Variants in PTPRN2 observed in about 807,000 individuals in gnomAD.
The protein encoded by PTPRN2 is receptor-type tyrosine-protein phosphatase N2.
In PTPRN2, 74 loss-of-function variants were observed where a neutral mutation model predicts 118.8. That is an observed-to-expected ratio of 0.62 (90% confidence interval 0.52 to 0.76). The LOEUF is 0.76. Ranked by LOEUF, PTPRN2 falls within the 30% of genes least tolerant of loss-of-function variation. The pLI, the probability that PTPRN2 is intolerant of heterozygous loss-of-function variation, is 0.00. For missense variants in PTPRN2, 1,481 were observed against 1,394.4 expected (o/e 1.06, Z -0.99); for synonymous variants, 641 against 608.0 (o/e 1.05, Z -0.80).
At chr7:158,363,558 C>T (rs1051177904) in intron 2 of PTPRN2, among the ~76,000 whole-genome samples, 3 of 152,196 alleles carry the variant, frequency 2.0e-5, no homozygotes, top group Non-Finnish European at 2.9e-5. Context: ...AGGGCCTCAC[C>T]CAGTCTTGAT....
chr7:158,273,053 T>C (rs541360266), intron 3 of PTPRN2, among the ~76,000 whole-genome samples: 38 of 152,330 alleles, frequency 2.5e-4, no homozygotes, highest in African/African-American at 8.9e-4. Context: ...GGAAGAGCTC[T>C]GTGCTGTAGC....
chr7:157,670,166 C>T (rs1439874211), intron 13 of PTPRN2, among the ~76,000 whole-genome samples: 2 of 152,156 alleles, frequency 1.3e-5, no homozygotes, highest in Admixed American at 1.3e-4. Flanking sequence ...GAGGTGAGGG[C>T]TGTGTTTGAA....
At chr7:157,549,847 A>C (rs111420968) in intron 21 of PTPRN2, among the ~76,000 whole-genome samples, 95 of 152,326 alleles carry the variant, frequency 6.2e-4, no homozygotes, top group African/African-American at 2.1e-3. Context: ...GCAGCTCCGA[A>C]GCGGGTCAGA....
At chr7:157,940,809 A>T (rs1273044414) in intron 11 of PTPRN2, among the ~76,000 whole-genome samples, 1 of 86,274 alleles carries the variant, frequency 1.2e-5, no homozygotes, top group Non-Finnish European at 2.0e-5. Context: ...ATGACACTGC[A>T]AATCTAATGC....
chr7:158,394,979 C>T (rs1812231039), intron 2 of PTPRN2, among the ~76,000 whole-genome samples: 1 of 152,218 alleles, frequency 6.6e-6, no homozygotes, highest in Non-Finnish European at 1.5e-5. Context: ...ACTCAGGAGG[C>T]CCTGCCCGTC....
Position 157,907,696 on chromosome 7 carries a change from G to A in PTPRN2, c.1724-8959C>T, listed in dbSNP as rs535601210. On this transcript the variant is annotated intron_variant, in intron 11 of 22. Coordinates refer to ENST00000389418, the MANE Select transcript of PTPRN2 (RefSeq NM_002847.5). Reference sequence around the variant, plus strand: ...GTGGCAGTATCTCCCTGTCCCTTGCGTGTGGGGTGTCCTGGGTGGCAGTAT... The same window carrying A: ...GTGGCAGTATCTCCCTGTCCCTTGCATGTGGGGTGTCCTGGGTGGCAGTAT... Among the ~76,000 whole-genome samples, 774 of 149,008 alleles carry A rather than the reference G, an allele frequency of 5.2e-3. 4 individuals carry two copies. The highest frequency in any genetic ancestry group is 0.017 in the African/African-American group (704 of 40,284).
intron 1 of PTPRN2, among the ~76,000 whole-genome samples, chr7:158,539,254 A>G (rs1310854178): frequency 1.3e-5 from 2 of 152,228 alleles, no homozygotes; most frequent in African/African-American, 4.8e-5. Context: ...TTGAGTTGCT[A>G]TATATCACAT....
rs117854754 is a variant in PTPRN2 at position 157,906,130 on chromosome 7, G to A, written c.1724-7393C>T. 6.7e-3 allele frequency among the ~76,000 whole-genome samples: 1,014 copies of A among 152,354 alleles called. 5 individuals are homozygous for A. Among genetic ancestry groups the A allele is most frequent in the Non-Finnish European group, 9.9e-3 (673 of 68,024 alleles). ...TGGTCAGGATTCCCCGTGCATGTCA[G>A]CAAGGTGCCCAGCCGAGGGCTTTCC... On this transcript the variant is annotated intron_variant, in intron 11 of 22. Coordinates refer to ENST00000389418, the MANE Select transcript of PTPRN2 (RefSeq NM_002847.5).
At chr7:158,407,302 CTGGGT>C in intron 2 of PTPRN2, among the ~76,000 whole-genome samples, 1 of 118,098 alleles carries the variant, frequency 8.5e-6, no homozygotes. Context: ...GTCCTGCGTC[CTGGGT>C]CCTGGGTCCT....
chr7:158,397,985 C>G (rs1413721087), intron 2 of PTPRN2, among the ~76,000 whole-genome samples: 1 of 152,098 alleles, frequency 6.6e-6, no homozygotes, highest in Non-Finnish European at 1.5e-5. Flanking sequence ...AGGGTGGAAC[C>G]AAAGCAGGGA....
chr7:157,957,509 C>A (rs7789345), intron 11 of PTPRN2, among the ~76,000 whole-genome samples: 3,557 of 152,010 alleles, frequency 0.023, 128 homozygotes, highest in African/African-American at 0.081. Context: ...AATAAATCAT[C>A]AATTAATACT....
chr7:157,713,362 A>G (rs1798746263), intron 12 of PTPRN2, among the ~76,000 whole-genome samples: 1 of 152,162 alleles, frequency 6.6e-6, no homozygotes, highest in Non-Finnish European at 1.5e-5. Flanking sequence ...TTTGCACTTA[A>G]TCTATTTTCT....
At chr7:158,052,346 A>G (rs1809391389) in intron 11 of PTPRN2, among the ~76,000 whole-genome samples, 1 of 152,248 alleles carries the variant, frequency 6.6e-6, no homozygotes, top group African/African-American at 2.4e-5. Flanking sequence ...TGCGAAAGTT[A>G]AAGACAGAGA....
At chr7:158,357,164 C>T (rs903316798) in intron 2 of PTPRN2, among the ~76,000 whole-genome samples, 3 of 152,184 alleles carry the variant, frequency 2.0e-5, no homozygotes, top group African/African-American at 4.8e-5. Flanking sequence ...GATGTGAACA[C>T]GGGGCTTGTT....
intron 12 of PTPRN2, among the ~76,000 whole-genome samples, chr7:157,840,867 T>C (rs1477178035): frequency 2.0e-5 from 3 of 152,340 alleles, no homozygotes; most frequent in East Asian, 1.9e-4. Context: ...GTGTTTCTTC[T>C]TGGAGAGGTG....
At chr7:157,553,679 G>C (rs147039114) in intron 21 of PTPRN2, among the ~76,000 whole-genome samples, 1 of 152,184 alleles carries the variant, frequency 6.6e-6, no homozygotes, top group Non-Finnish European at 1.5e-5. Flanking sequence ...CTGAGCCCGA[G>C]ACCAAAACTG....
At chr7:158,263,525 C>T (rs532127502) in intron 3 of PTPRN2, among the ~76,000 whole-genome samples, 2 of 152,278 alleles carry the variant, frequency 1.3e-5, no homozygotes, top group Non-Finnish European at 2.9e-5. Flanking sequence ...GCAGGCCCAT[C>T]AGCATCTGCT....
chr7:158,478,616 C>A (rs1749267378), intron 2 of PTPRN2, among the ~76,000 whole-genome samples: 1 of 152,168 alleles, frequency 6.6e-6, no homozygotes, highest in Admixed American at 6.5e-5. Context: ...GGAGAAGGAC[C>A]ACACACCCCA....
chr7:158,442,827 AG>A (rs1343453416), intron 2 of PTPRN2, among the ~76,000 whole-genome samples: 6 of 152,150 alleles, frequency 3.9e-5, no homozygotes, highest in Non-Finnish European at 8.8e-5. Context: ...CTTTTTTGTC[AG>A]AAAATAAAAT....
Sources: allele counts gnomAD v4.1 joint callset (sites outside exome capture counted in the v4.1 genomes callset), GRCh38; gene constraint gnomAD v4.1.1; transcripts MANE v1.5; gene names NCBI Gene and HGNC (gene_info 2026-07-23, HGNC 2026-07-21).